NDFIP1: variants seen among roughly 807,000 people sequenced by gnomAD.
NDFIP1 encodes the protein Nedd4 family interacting protein 1.
A neutral mutation model predicts 28.8 loss-of-function variants in NDFIP1; 7 were observed. The ratio of observed to expected loss-of-function variants is 0.24; its 90% CI spans 0.14 to 0.46. The LOEUF is 0.46. Ranked by LOEUF, NDFIP1 falls within the 20% of genes least tolerant of loss-of-function variation. The probability of loss-of-function intolerance (pLI) is 0.99; values close to 1 mark genes in which losing one functional copy is unlikely to be tolerated. For synonymous variants in NDFIP1, 92 were observed against 101.0 expected (o/e 0.91, Z 0.53); for missense variants, 194 against 269.1 (o/e 0.72, Z 1.95).
chr5:142,142,886 C>T (rs1468309668), intron 6 of NDFIP1: 4 of 130,096 alleles, frequency 3.1e-5, no homozygotes, highest in Non-Finnish European at 6.2e-5. Context: ...CCACTGCACT[C>T]CAGCCTGGGT....
chr5:142,112,949 T>C (rs1757030340), intron 1 of NDFIP1, among the ~76,000 whole-genome samples: 1 of 152,206 alleles, frequency 6.6e-6, no homozygotes, highest in Non-Finnish European at 1.5e-5. Flanking sequence ...TGTTGCGTGT[T>C]TCTCTCTCTG....
At chr5:142,123,678 A>G (rs1451873115) in intron 1 of NDFIP1, among the ~76,000 whole-genome samples, 2 of 152,216 alleles carry the variant, frequency 1.3e-5, no homozygotes, top group African/African-American at 4.8e-5. Context: ...TAGATTTTAT[A>G]TAAATTATTT....
chr5:142,140,254 G>T (rs897299714), intron 5 of NDFIP1, among the ~76,000 whole-genome samples: 1 of 151,972 alleles, frequency 6.6e-6, no homozygotes, highest in African/African-American at 2.4e-5. Context: ...TTTGAGACCG[G>T]CTTGACCAAC....
chr5:142,149,411 A>G (rs1018151456), intron 7 of NDFIP1, among the ~76,000 whole-genome samples: 2 of 148,860 alleles, frequency 1.3e-5, no homozygotes, highest in African/African-American at 4.9e-5. Flanking sequence ...TTGGAATTAA[A>G]TGATCTGTAG....
chr5:142,116,395 G>T (rs528730763), intron 1 of NDFIP1, among the ~76,000 whole-genome samples: 71 of 148,164 alleles, frequency 4.8e-4, no homozygotes, highest in Admixed American at 2.2e-3. Flanking sequence ...TTTCAACAGA[G>T]TCTTGCTCTG....
At chr5:142,119,447 CTT>C (rs1193392503) in intron 1 of NDFIP1, among the ~76,000 whole-genome samples, 1 of 152,214 alleles carries the variant, frequency 6.6e-6, no homozygotes, top group Non-Finnish European at 1.5e-5. Flanking sequence ...CCTCCACCCA[CTT>C]GAGTGAGGTT....
intron 4 of NDFIP1, among the ~76,000 whole-genome samples, chr5:142,137,031 A>G (rs1304005087): frequency 7.0e-6 from 1 of 142,606 alleles, no homozygotes; most frequent in Non-Finnish European, 1.5e-5. Flanking sequence ...AGGTCGTGCT[A>G]CTGCACTCCA....
chr5:142,149,063 T>C (rs1175808133), intron 7 of NDFIP1, among the ~76,000 whole-genome samples: 1 of 152,054 alleles, frequency 6.6e-6, no homozygotes, highest in Non-Finnish European at 1.5e-5. Flanking sequence ...TTTAACTGCA[T>C]CTGAAATAGA....
At position 142,153,310 on chromosome 5, in the gene NDFIP1, T is replaced by C. The variant is rs555466019; in HGVS notation, c.*1582T>C. 4 of 456,634 alleles carry C rather than the reference T, an allele frequency of 8.8e-6. No homozygotes were observed. In the East Asian group the frequency reaches 2.1e-4, roughly 24 times the overall value. The allele number at this position is 456,634 out of a possible 1,614,324, so 28.3% of individuals were successfully genotyped here. ...AATATGAAGAAAAAATACACCAAGATGGTCAAATTACTACACAAATCAGCA... is the reference window on the plus strand; with the variant it reads ...AATATGAAGAAAAAATACACCAAGACGGTCAAATTACTACACAAATCAGCA... On this transcript the variant is annotated 3_prime_UTR_variant, in exon 8 of 8. Coordinates refer to ENST00000253814, the MANE Select transcript of NDFIP1 (RefSeq NM_030571.4).
At position 142,131,884 on chromosome 5, in the gene NDFIP1, C is replaced by T. The variant is rs778394569; in HGVS notation, c.140C>T (p.Ala47Val). The T allele has an allele frequency of 1.3e-6, 2 of 1,599,996 alleles. No homozygotes were observed. Among genetic ancestry groups the T allele is most frequent in the East Asian group, 2.3e-5 (1 of 44,378 alleles). ...DAPPPYSSIS[A>V]ESAAYFDYKD... ...CCTCCACCTTACAGCAGCATTTCTG[C>T]AGAGAGCGCAGGTAGGTAACAGGGC... Residue 47 changes from alanine to valine, a missense_variant, in exon 2 of 8, where the codon GCA becomes GTA. Physicochemically the swap from Ala to Val is moderately conservative, Grantham distance 64 (BLOSUM62 0). Coordinates refer to ENST00000253814, the MANE Select transcript of NDFIP1 (RefSeq NM_030571.4).
At chr5:142,110,493 G>A (rs994549784) in intron 1 of NDFIP1, among the ~76,000 whole-genome samples, 33 of 152,106 alleles carry the variant, frequency 2.2e-4, no homozygotes, top group African/African-American at 8.0e-4. Context: ...ATCTTCTTGA[G>A]CTATTAGGTA....
intron 7 of NDFIP1, among the ~76,000 whole-genome samples, chr5:142,149,161 G>A (rs1382826441): frequency 3.3e-5 from 5 of 152,034 alleles, no homozygotes; most frequent in Admixed American, 3.3e-4. Flanking sequence ...TACCTATTAG[G>A]CATCAAATAT....
At chr5:142,119,509 C>T (rs923769951) in intron 1 of NDFIP1, among the ~76,000 whole-genome samples, 1 of 152,224 alleles carries the variant, frequency 6.6e-6, no homozygotes, top group Non-Finnish European at 1.5e-5. Flanking sequence ...ATTTTGCATA[C>T]ATCCTCCAGC....
At chr5:142,126,635 G>A (rs1757171598) in intron 1 of NDFIP1, among the ~76,000 whole-genome samples, 1 of 152,084 alleles carries the variant, frequency 6.6e-6, no homozygotes, top group Non-Finnish European at 1.5e-5. Context: ...CTCATTCTTA[G>A]TAAATATAGA....
chr5:142,117,499 C>T (rs1414857876), intron 1 of NDFIP1, among the ~76,000 whole-genome samples: 2 of 152,116 alleles, frequency 1.3e-5, no homozygotes, highest in East Asian at 3.9e-4. Context: ...CCTCCATCTC[C>T]CAAAGTGCTG....
intron 1 of NDFIP1, among the ~76,000 whole-genome samples, chr5:142,130,687 CTG>C (rs1757218405): frequency 9.6e-6 from 1 of 104,028 alleles, no homozygotes; most frequent in African/African-American, 4.3e-5. Flanking sequence ...GAGTGAGATC[CTG>C]TCTCTCCAAA....
At chr5:142,147,731 C>G (rs1207178170) in intron 7 of NDFIP1, among the ~76,000 whole-genome samples, 2 of 152,194 alleles carry the variant, frequency 1.3e-5, no homozygotes, top group Non-Finnish European at 2.9e-5. Flanking sequence ...TACAGTGATT[C>G]TTCTAGGGAG....
At chr5:142,137,191 G>A (rs1006231087) in intron 4 of NDFIP1, among the ~76,000 whole-genome samples, 4 of 151,516 alleles carry the variant, frequency 2.6e-5, no homozygotes, top group Non-Finnish European at 4.4e-5. Context: ...GTCTTGCTCT[G>A]TTGCCCAGGC....
At chr5:142,142,667 C>T (rs1023051232) in intron 6 of NDFIP1, among the ~76,000 whole-genome samples, 1 of 151,874 alleles carries the variant, frequency 6.6e-6, no homozygotes, top group African/African-American at 2.4e-5. Flanking sequence ...GTGGCTCATG[C>T]CTGTAATCCC....
Sources: gnomAD v4.1 joint callset for allele counts (sites outside exome capture counted in the v4.1 genomes callset) on GRCh38, gnomAD v4.1.1 for gene constraint, MANE v1.5 for transcripts, NCBI Gene and HGNC (gene_info 2026-07-23, HGNC 2026-07-21) for gene names.